Variants in TFEB observed in about 807,000 individuals in gnomAD.
TFEB encodes transcription factor EB.
Under a neutral mutation model 48.0 loss-of-function variants are expected in TFEB, and 12 were observed. The ratio of observed to expected loss-of-function variants is 0.25; its 90% CI spans 0.16 to 0.40. The LOEUF (loss-of-function observed/expected upper bound fraction) is 0.40. Among genes scored for constraint, TFEB ranks in the 10% least tolerant of loss-of-function variants. The pLI is 1.00. For missense variants in TFEB, 509 were observed against 640.3 expected (o/e 0.79, Z 2.21); for synonymous variants, 244 against 261.4 (o/e 0.93, Z 0.64).
intron 1 of TFEB, among the ~76,000 whole-genome samples, chr6:41,727,872 G>A (rs910112055): frequency 1.3e-5 from 2 of 152,156 alleles, no homozygotes; most frequent in African/African-American, 2.4e-5. Context: ...GGGTGGCTCA[G>A]AGCCTCCTTT....
intron 1 of TFEB, chr6:41,733,878 C>A: frequency 1.0e-6 from 1 of 986,104 alleles, no homozygotes; most frequent in Non-Finnish European, 1.2e-6. Context: ...AAACCAGAGA[C>A]CAGCCTCCAA....
intron 1 of TFEB, among the ~76,000 whole-genome samples, chr6:41,713,493 T>C (rs1209638879): frequency 6.6e-6 from 1 of 152,146 alleles, no homozygotes; most frequent in East Asian, 1.9e-4. Context: ...GCTGACTCAC[T>C]CTTATAGCTG....
Position 41,724,565 on chromosome 6 carries a change from T to C in TFEB, c.-23+10785A>G, listed in dbSNP as rs1771127362. ...GCAAATTCTGGAAGGACACAAAGGATGAGTAGGAGCCAGGCCTGGGTGTGC... is the reference window on the plus strand; with the variant it reads ...GCAAATTCTGGAAGGACACAAAGGACGAGTAGGAGCCAGGCCTGGGTGTGC... On this transcript the variant is annotated intron_variant, in intron 1 of 8. Coordinates refer to ENST00000373033, the MANE Select transcript of TFEB (RefSeq NM_001271944.2). The surrounding 1 kb of genome is among the most constrained non-coding windows in gnomAD (Gnocchi z 4.4). Among the ~76,000 whole-genome samples the C allele has an allele frequency of 6.6e-6, 1 of 152,032 alleles. No homozygotes were observed. The highest frequency in any genetic ancestry group is 1.5e-5 in the Non-Finnish European group (1 of 67,960).
rs750249471 is a variant in TFEB, at chr6:41,686,246, G to A, written c.804-9C>T. 1.9e-6 allele frequency: 3 copies of A among 1,613,538 alleles called. No homozygotes were observed. The highest frequency in any genetic ancestry group is 1.1e-5 in the South Asian group (1 of 91,080). ...TGTTCCAGCGCACGTCCCTGCAGCA[G>A]CAGGCCAGGCAAATTAGAGGTGCAT... On this transcript the variant is annotated splice_polypyrimidine_tract_variant and intron_variant, in intron 7 of 8. Coordinates refer to ENST00000373033, the MANE Select transcript of TFEB (RefSeq NM_001271944.2).
intron 1 of TFEB, among the ~76,000 whole-genome samples, chr6:41,729,763 G>A (rs1242924973): frequency 6.6e-6 from 1 of 152,230 alleles, no homozygotes; most frequent in East Asian, 1.9e-4. Context: ...ACTGACTGTA[G>A]AGGGGACACC....
chr6:41,734,947 G>A lies in TFEB; in HGVS notation c.-23+403C>T. ...GCCGGCCCCAGCCGTGTCCGGTGGA[G>A]GGGGAGTGGGCGCGGGGCCCGCGCG... On this transcript the variant is annotated intron_variant, in intron 1 of 8. Coordinates refer to ENST00000373033, the MANE Select transcript of TFEB (RefSeq NM_001271944.2). The surrounding 1 kb of genome is among the most constrained non-coding windows in gnomAD (Gnocchi z 4.0). 2.0e-6 allele frequency: 2 copies of A among 985,470 alleles called. No individual in the cohort carries two copies. Among genetic ancestry groups the A allele is most frequent in the Non-Finnish European group, 2.4e-6 (2 of 829,982 alleles). 61.0% of individuals were successfully genotyped at this position (985,470 alleles called of 1,614,324 possible).
intron 1 of TFEB, among the ~76,000 whole-genome samples, chr6:41,714,693 C>T (rs1054078990): frequency 7.9e-5 from 12 of 152,172 alleles, no homozygotes; most frequent in Admixed American, 1.3e-4. Context: ...ACCCCCATCC[C>T]GAGGGTGCGG....
chr6:41,709,813 G>A (rs931054103), intron 1 of TFEB, among the ~76,000 whole-genome samples: 1 of 151,996 alleles, frequency 6.6e-6, no homozygotes, highest in Non-Finnish European at 1.5e-5. Flanking sequence ...TTGAGACAGG[G>A]TCTCACTCTG....
rs571606206 is a variant in TFEB, at chr6:41,723,551, C to T, written c.-23+11799G>A. ...CAGGGCCGCACCCCAGCCCCAGGGC[C>T]GGGCTCAGTTTCCTCATTTCCCCGG... On this transcript the variant is annotated intron_variant, in intron 1 of 8. Transcript: ENST00000373033. This position sits in a 1 kb window ranked among gnomAD's most constrained non-coding sequence, Gnocchi z 6.0. 7.9e-6 allele frequency: 10 copies of T among 1,270,676 alleles called. No individual in the cohort carries two copies. The African/African-American group carries it at 9.3e-5, about 12-fold the overall frequency. The allele number at this position is 1,270,676 out of a possible 1,614,324, so 78.7% of individuals were successfully genotyped here. A position where few individuals can be genotyped will look rare whatever the true frequency, so the allele number is the denominator to read the frequency against.
intron 1 of TFEB, among the ~76,000 whole-genome samples, chr6:41,727,462 G>A (rs1487973937): frequency 1.4e-4 from 21 of 152,256 alleles, no homozygotes; most frequent in Admixed American, 9.2e-4. Flanking sequence ...AGGCCGAGGC[G>A]GCTGGATCAC....
chr6:41,706,671 A>T (rs1291172029), intron 1 of TFEB, among the ~76,000 whole-genome samples: 1 of 152,044 alleles, frequency 6.6e-6, no homozygotes, highest in Non-Finnish European at 1.5e-5. Context: ...CATCTCTGTC[A>T]GGGAGCCAGA....
At chr6:41,698,216 C>T (rs1425932653) in intron 1 of TFEB, among the ~76,000 whole-genome samples, 3 of 152,150 alleles carry the variant, frequency 2.0e-5, no homozygotes, top group Non-Finnish European at 2.9e-5. Flanking sequence ...TGGTCACTTG[C>T]TGAAGGTCAC....
rs752847754 is a variant in TFEB, at chr6:41,691,499, A to AGGAGTG, written c.-22-265_-22-264insCACTCC. 2 of 664,248 alleles carry AGGAGTG rather than the reference A, an allele frequency of 3.0e-6. No individual in the cohort carries two copies. The highest frequency in any genetic ancestry group is 3.3e-5 in the South Asian group (2 of 59,942). 41.1% of individuals were successfully genotyped at this position (664,248 alleles called of 1,614,324 possible). A position where few individuals can be genotyped will look rare whatever the true frequency, so the allele number is the denominator to read the frequency against. On this transcript the variant is annotated intron_variant, in intron 1 of 8. Coordinates refer to ENST00000373033, the MANE Select transcript of TFEB (RefSeq NM_001271944.2). The surrounding 1 kb of genome is among the most constrained non-coding windows in gnomAD (Gnocchi z 5.2). ...CAGTTGGTAAATCCCAAACTCTAAG[A>AGGAGTG]GTCAACTTCCACTCCTCTCTGTGTC...
chr6:41,719,628 T>C (rs13202921), intron 1 of TFEB, among the ~76,000 whole-genome samples: 63,123 of 152,068 alleles, frequency 0.42, 13,608 homozygotes, highest in African/African-American at 0.53. Flanking sequence ...GCAGGTCATG[T>C]GGCAGGTCCC....
At chr6:41,726,482 C>T (rs563225433) in intron 1 of TFEB, among the ~76,000 whole-genome samples, 10 of 151,942 alleles carry the variant, frequency 6.6e-5, no homozygotes, top group East Asian at 5.8e-4. Context: ...CTTGCTCTGT[C>T]ACCCAGGCTG....
At chr6:41,714,126 C>CAT (rs1770609589) in intron 1 of TFEB, among the ~76,000 whole-genome samples, 2 of 119,258 alleles carry the variant, frequency 1.7e-5, no homozygotes, top group African/African-American at 8.0e-5. Context: ...TGTGTGTGTG[C>CAT]GTGTGCATGT....
chr6:41,714,698 G>A (rs1283680289), intron 1 of TFEB, among the ~76,000 whole-genome samples: 1 of 152,168 alleles, frequency 6.6e-6, no homozygotes, highest in African/African-American at 2.4e-5. Flanking sequence ...CATCCCGAGG[G>A]TGCGGGGAGA....
rs1424116060 is a variant in TFEB, at chr6:41,723,431, TCACA to T, written c.-23+11915_-23+11918del. On this transcript the variant is annotated intron_variant, in intron 1 of 8. Coordinates refer to ENST00000373033, the MANE Select transcript of TFEB (RefSeq NM_001271944.2). The surrounding 1 kb of genome is among the most constrained non-coding windows in gnomAD (Gnocchi z 6.0). ...CACATGCTCACACACATGCACACAC[TCACA>T]CACATGCACGCGTGTGCTCTCATAC... 5.9e-6 allele frequency: 7 copies of T among 1,195,022 alleles called. No individual in the cohort carries two copies. Among genetic ancestry groups the T allele is most frequent in the South Asian group, 1.3e-5 (1 of 79,198 alleles). 74.0% of individuals were successfully genotyped at this position (1,195,022 alleles called of 1,614,324 possible).
rs546734474 is a variant in TFEB, at chr6:41,728,855, A to G, written c.-23+6495T>C. Among the ~76,000 whole-genome samples the G allele has an allele frequency of 1.1e-3, 165 of 152,206 alleles. 1 individual carries two copies. Among genetic ancestry groups the G allele is most frequent in the African/African-American group, 3.9e-3 (160 of 41,498 alleles). On this transcript the variant is annotated intron_variant, in intron 1 of 8. Transcript: ENST00000373033. The stretch of plus-strand genomic sequence containing the variant: ...GAGGCCCCTGGGTGTCAGCTGGTGA[A>G]GCACCTGCAGGGTAGAGACGGTAGA...
Sources: allele counts gnomAD v4.1 joint callset (sites outside exome capture counted in the v4.1 genomes callset), GRCh38; gene constraint gnomAD v4.1.1; non-coding constraint Gnocchi (gnomAD v3.1); transcripts MANE v1.5; gene names NCBI Gene and HGNC (gene_info 2026-07-23, HGNC 2026-07-21).